The following SDK1 variants were observed in gnomAD, a reference collection of about 807,000 sequenced individuals.
SDK1 encodes the protein protein sidekick-1.
SDK1 carries 157 observed loss-of-function variants against 245.5 expected under a neutral mutation model. The ratio of observed to expected loss-of-function variants is 0.64; its 90% CI spans 0.56 to 0.73. The LOEUF (loss-of-function observed/expected upper bound fraction) is 0.73. Ranked by LOEUF, SDK1 falls within the 30% of genes least tolerant of loss-of-function variation. The pLI is 0.00. For synonymous variants in SDK1, 1,647 were observed against 1,278.5 expected, an observed-to-expected ratio of 1.29 and a Z score of -6.15; for missense variants, 3,583 against 3,002.3, an observed-to-expected ratio of 1.19 and a Z score of -4.52.
chr7:3,578,270 A>G (rs999865171), intron 1 of SDK1, among the ~76,000 whole-genome samples: 22 of 150,434 alleles, frequency 1.5e-4, no homozygotes, highest in African/African-American at 4.9e-4. Context: ...TTCATTAAGG[A>G]TTTTATTAAG....
chr7:3,697,951 G>A (rs796619928), intron 4 of SDK1, among the ~76,000 whole-genome samples: 1 of 152,168 alleles, frequency 6.6e-6, no homozygotes, highest in Non-Finnish European at 1.5e-5. Context: ...GAACAGTGGA[G>A]AGAAGAAGGC....
chr7:4,172,076 G>A (rs899354855), intron 32 of SDK1, among the ~76,000 whole-genome samples: 6 of 152,150 alleles, frequency 3.9e-5, no homozygotes, highest in Admixed American at 6.5e-5. Flanking sequence ...GACACGGATC[G>A]CAAAGACCCA....
intron 1 of SDK1, among the ~76,000 whole-genome samples, chr7:3,473,444 A>T (rs990524632): frequency 6.6e-6 from 1 of 152,172 alleles, no homozygotes; most frequent in African/African-American, 2.4e-5. Context: ...TGTTTAGTGT[A>T]TTGTTAGGAA....
At chr7:3,501,042 C>A (rs1294212522) in intron 1 of SDK1, among the ~76,000 whole-genome samples, 3 of 152,044 alleles carry the variant, frequency 2.0e-5, no homozygotes, top group African/African-American at 4.8e-5. Context: ...TGATTTCTAA[C>A]TTCTCTGTTA....
At chr7:3,758,313 C>G (rs935771253) in intron 4 of SDK1, among the ~76,000 whole-genome samples, 3 of 152,310 alleles carry the variant, frequency 2.0e-5, no homozygotes, top group Admixed American at 2.0e-4. Flanking sequence ...TCTCATTTCC[C>G]TCATTCTTCC....
At chr7:3,412,410 C>G (rs1281491744) in intron 1 of SDK1, among the ~76,000 whole-genome samples, 4 of 152,190 alleles carry the variant, frequency 2.6e-5, no homozygotes, top group Non-Finnish European at 4.4e-5. Context: ...GGAGCTGACT[C>G]TCAAGCAGTT....
chr7:3,702,784 C>G (rs369371572), intron 4 of SDK1, among the ~76,000 whole-genome samples: 2 of 152,164 alleles, frequency 1.3e-5, no homozygotes, highest in Non-Finnish European at 2.9e-5. Flanking sequence ...CATTTTTACT[C>G]ATGGTACTCC....
At chr7:4,049,276 C>T in intron 17 of SDK1, 72 bp from the exon 18 acceptor site, 1 of 1,153,154 alleles carries the variant, frequency 8.7e-7, no homozygotes, top group East Asian at 2.4e-5. Flanking sequence ...CTAAGGGTTT[C>T]CTTTCTGTCT....
chr7:3,505,954 A>C (rs192782509), intron 1 of SDK1, among the ~76,000 whole-genome samples: 1 of 151,928 alleles, frequency 6.6e-6, no homozygotes, highest in African/African-American at 2.4e-5. Context: ...ATTTATTTTT[A>C]TGTTTGTTAT....
chr7:3,823,915 T>A (rs1779706097), intron 5 of SDK1, among the ~76,000 whole-genome samples: 1 of 152,098 alleles, frequency 6.6e-6, no homozygotes, highest in Admixed American at 6.5e-5. Context: ...TACGTAAATG[T>A]TAAATGGCAA....
At chr7:3,598,542 G>A (rs1285294204) in intron 1 of SDK1, among the ~76,000 whole-genome samples, 2 of 152,134 alleles carry the variant, frequency 1.3e-5, no homozygotes, top group African/African-American at 2.4e-5. Flanking sequence ...CAGCATCAGG[G>A]CAGTCAAGAC....
intron 1 of SDK1, among the ~76,000 whole-genome samples, chr7:3,386,726 C>T (rs1781618463): frequency 6.6e-6 from 1 of 152,154 alleles, no homozygotes; most frequent in Non-Finnish European, 1.5e-5. Context: ...CTGTACTGGG[C>T]AGCCTCCAGT....
intron 5 of SDK1, among the ~76,000 whole-genome samples, chr7:3,884,075 GTTTT>G (rs1245065311): frequency 4.7e-4 from 65 of 138,978 alleles, no homozygotes; most frequent in African/African-American, 1.6e-3. Context: ...TTGTTTGTTT[GTTTT>G]TTTGTTTTTT....
chr7:4,143,949 G>C (rs1038345063), intron 28 of SDK1, among the ~76,000 whole-genome samples: 1 of 152,182 alleles, frequency 6.6e-6, no homozygotes, highest in African/African-American at 2.4e-5. Flanking sequence ...TAGCCGCTGT[G>C]GTCACGCTCT....
At chr7:3,958,061 A>G (rs973202773) in intron 7 of SDK1, 4 of 469,392 alleles carry the variant, frequency 8.5e-6, no homozygotes, top group Admixed American at 4.7e-5. Flanking sequence ...TTTTAAAGAT[A>G]CAGTCAATAT....
intron 1 of SDK1, among the ~76,000 whole-genome samples, chr7:3,351,331 T>C (rs796839075): frequency 7.2e-5 from 11 of 152,262 alleles, no homozygotes; most frequent in African/African-American, 2.6e-4. Context: ...TTTATTGATA[T>C]TACTCAACAC....
chr7:4,119,656 A>G (rs1378193787), intron 25 of SDK1, among the ~76,000 whole-genome samples: 1 of 149,146 alleles, frequency 6.7e-6, no homozygotes, highest in Admixed American at 6.7e-5. Flanking sequence ...AAAACTAAAG[A>G]AACATGGTTT....
intron 5 of SDK1, among the ~76,000 whole-genome samples, chr7:3,923,860 G>A (rs1291989808): frequency 9.9e-5 from 15 of 152,056 alleles, no homozygotes; most frequent in Non-Finnish European, 2.2e-4. Flanking sequence ...CTTTCACTTC[G>A]TGTCCAGGTG....
At chr7:3,945,791 C>A (rs1349470666) in intron 5 of SDK1, among the ~76,000 whole-genome samples, 2 of 149,294 alleles carry the variant, frequency 1.3e-5, no homozygotes, top group Non-Finnish European at 3.0e-5. Context: ...CCCAGCTACC[C>A]AGGAGGCTGA....
Sources: gnomAD v4.1 joint callset for allele counts (sites outside exome capture counted in the v4.1 genomes callset) on GRCh38, gnomAD v4.1.1 for gene constraint, MANE v1.5 for transcripts, NCBI Gene and HGNC (gene_info 2026-07-23, HGNC 2026-07-21) for gene names.